STAM: variants seen among roughly 807,000 people sequenced by gnomAD.
The protein encoded by STAM is signal transducing adaptor molecule.
Under a neutral mutation model 63.4 loss-of-function variants are expected in STAM, and 16 were observed. That is an observed-to-expected ratio of 0.25 (90% CI 0.17 to 0.38). The LOEUF (loss-of-function observed/expected upper bound fraction) is 0.38, where lower values mean the gene tolerates loss of function less well. Among genes scored for constraint, STAM ranks in the 10% least tolerant of loss-of-function variants. The pLI, the probability that STAM is intolerant of heterozygous loss-of-function variation, is 1.00. For missense variants in STAM, 636 were observed against 657.1 expected, an observed-to-expected ratio of 0.97 and a Z score of 0.35; for synonymous variants, 238 against 223.9, an observed-to-expected ratio of 1.06 and a Z score of -0.56.
chr10:17,658,994 C>G (rs1458558610), intron 1 of STAM, among the ~76,000 whole-genome samples: 2 of 152,060 alleles, frequency 1.3e-5, no homozygotes, highest in Non-Finnish European at 2.9e-5. Flanking sequence ...ATTCATTGCC[C>G]TTGTTCTTTG....
At chr10:17,648,745 G>T (rs965798389) in intron 1 of STAM, among the ~76,000 whole-genome samples, 10 of 152,194 alleles carry the variant, frequency 6.6e-5, no homozygotes, top group Non-Finnish European at 1.0e-4. Flanking sequence ...TCTACAATCA[G>T]TTCTCATTTA....
chr10:17,696,724 C>A, intron 7 of STAM, 51 bp from the exon 8 acceptor site: 4 of 1,330,108 alleles, frequency 3.0e-6, no homozygotes, highest in African/African-American at 1.5e-5. Flanking sequence ...TAAAGATGTA[C>A]AGAAATAAAT....
intron 2 of STAM, among the ~76,000 whole-genome samples, chr10:17,672,438 TC>T (rs1428228802): frequency 3.9e-5 from 6 of 152,240 alleles, no homozygotes; most frequent in Non-Finnish European, 8.8e-5. Context: ...TTAACTGTAT[TC>T]TTTTCCAGCC....
chr10:17,669,948 T>A lies in STAM; in HGVS notation c.125+9400T>A, dbSNP rs941162987. On this transcript the variant is annotated intron_variant, in intron 2 of 13. Coordinates refer to ENST00000377524, the MANE Select transcript of STAM (RefSeq NM_003473.4). ...GGTTTCACCATGTTAGCCAGGATGG[T>A]CTCGATCTCCTGACTTCGTGATCCG... Among the ~76,000 whole-genome samples, 5 of 148,254 alleles carry A rather than the reference T, an allele frequency of 3.4e-5. No homozygotes were observed. The South Asian group carries it at 1.1e-3, about 32-fold the overall frequency.
At chr10:17,709,109 T>G (rs1426177996) in intron 13 of STAM, among the ~76,000 whole-genome samples, 158 bp downstream of exon 13, 1 of 152,214 alleles carries the variant, frequency 6.6e-6, no homozygotes, top group African/African-American at 2.4e-5. Flanking sequence ...CTCTGTGGTA[T>G]TCCAGTACCA....
At chr10:17,681,560 A>G (rs914915588) in intron 2 of STAM, among the ~76,000 whole-genome samples, 1 of 152,184 alleles carries the variant, frequency 6.6e-6, no homozygotes, top group Non-Finnish European at 1.5e-5. Flanking sequence ...TTCTAGTTCA[A>G]ATAATTTATA....
chr10:17,692,433 A>T (rs1156872268), intron 5 of STAM, among the ~76,000 whole-genome samples: 1 of 152,198 alleles, frequency 6.6e-6, no homozygotes, highest in Non-Finnish European at 1.5e-5. Context: ...GAAGTAAATG[A>T]GTGTGAGACC....
intron 2 of STAM, among the ~76,000 whole-genome samples, chr10:17,670,011 T>C (rs1834571515): frequency 6.6e-6 from 1 of 151,396 alleles, no homozygotes; most frequent in South Asian, 2.1e-4. Context: ...ATCACAGGCG[T>C]GAGCCACTGC....
chr10:17,667,866 C>G (rs1834460230), intron 2 of STAM, among the ~76,000 whole-genome samples: 2 of 152,296 alleles, frequency 1.3e-5, no homozygotes, highest in East Asian at 1.9e-4. Context: ...TTGATGCCTT[C>G]TAAGAACTTG....
chr10:17,645,919 G>T (rs1467666335), intron 1 of STAM, among the ~76,000 whole-genome samples: 2 of 152,144 alleles, frequency 1.3e-5, no homozygotes, highest in African/African-American at 4.8e-5. Flanking sequence ...TCTTGGTCCT[G>T]TATAATTTAG....
chr10:17,671,611 A>G (rs938332785), intron 2 of STAM, among the ~76,000 whole-genome samples: 2 of 152,228 alleles, frequency 1.3e-5, no homozygotes, highest in African/African-American at 4.8e-5. Context: ...CTGATGTAGT[A>G]ACTAGCAGGG....
At chr10:17,706,369 C>CGTT (rs1564570967) in intron 12 of STAM, among the ~76,000 whole-genome samples, 1 of 70,184 alleles carries the variant, frequency 1.4e-5, no homozygotes, top group East Asian at 4.9e-4. Flanking sequence ...GGTTGAGGCC[C>CGTT]TTTTTTTTTT....
intron 2 of STAM, among the ~76,000 whole-genome samples, chr10:17,678,587 G>T (rs1441007988): frequency 6.6e-6 from 1 of 152,148 alleles, no homozygotes; most frequent in East Asian, 1.9e-4. Context: ...GTTCGTTTAT[G>T]TTGTAGCTTG....
chr10:17,682,814 T>G (rs1252556536), intron 2 of STAM, among the ~76,000 whole-genome samples: 2 of 152,200 alleles, frequency 1.3e-5, no homozygotes, highest in Non-Finnish European at 2.9e-5. Flanking sequence ...TTTTCTTGTG[T>G]TATCAAGTCA....
At chr10:17,663,217 A>G (rs1206410024) in intron 2 of STAM, among the ~76,000 whole-genome samples, 3 of 152,132 alleles carry the variant, frequency 2.0e-5, no homozygotes, top group Admixed American at 6.5e-5. Flanking sequence ...TCTCCCAGAA[A>G]TGTTTATTAT....
chr10:17,709,032 T>C (rs1836434929), intron 13 of STAM, 81 bp downstream of exon 13: 2 of 1,491,442 alleles, frequency 1.3e-6, no homozygotes, highest in Non-Finnish European at 1.8e-6. Context: ...AACTATAAAA[T>C]CTGGCTAATA....
chr10:17,701,726 C>T (rs180936482), intron 9 of STAM, among the ~76,000 whole-genome samples: 4 of 152,190 alleles, frequency 2.6e-5, no homozygotes, highest in African/African-American at 9.6e-5. Context: ...GTTTTTACCC[C>T]CCTCCTCTCC....
chr10:17,656,734 C>T (rs533428387), intron 1 of STAM, among the ~76,000 whole-genome samples: 2 of 152,250 alleles, frequency 1.3e-5, no homozygotes, highest in Non-Finnish European at 2.9e-5. Flanking sequence ...AATCTCAGTT[C>T]TTGCCTCCTC....
At chr10:17,706,265 T>C (rs149591310) in intron 12 of STAM, among the ~76,000 whole-genome samples, 20 of 151,356 alleles carry the variant, frequency 1.3e-4, no homozygotes, top group African/African-American at 4.8e-4. Context: ...ATAGCTTTTA[T>C]ACAGGGTTAT....
Sources: allele counts gnomAD v4.1 joint callset (sites outside exome capture counted in the v4.1 genomes callset), GRCh38; gene constraint gnomAD v4.1.1; transcripts MANE v1.5; gene names NCBI Gene and HGNC (gene_info 2026-07-23, HGNC 2026-07-21).